The following FOXN3 variants were observed in gnomAD, a reference collection of about 807,000 sequenced individuals.
The protein encoded by FOXN3 is forkhead box N3.
A neutral mutation model predicts 38.4 loss-of-function variants in FOXN3; 7 were observed. The ratio of observed to expected loss-of-function variants is 0.18; its 90% CI spans 0.10 to 0.34. The LOEUF is 0.34. Among genes scored for constraint, FOXN3 ranks in the 10% least tolerant of loss-of-function variants. The pLI, the probability that FOXN3 is intolerant of heterozygous loss-of-function variation, is 1.00. For synonymous variants in FOXN3, 230 were observed against 242.2 expected (o/e 0.95, Z 0.47); for missense variants, 456 against 613.4 (o/e 0.74, Z 2.71).
rs1596073183 is a variant in FOXN3, at chr14:89,161,349, A to C, written c.*1065T>G. ...AGTGTACCTTTAATCTTAAAAATAC[A>C]CCACAATACTAATGGCAGGTTCCGT... On this transcript the variant is annotated 3_prime_UTR_variant, in exon 6 of 6. Coordinates refer to ENST00000557258, the MANE Select transcript of FOXN3 (RefSeq NM_005197.4). 2 of 148,572 alleles carry C rather than the reference A, an allele frequency of 1.3e-5. No homozygotes were observed. Among genetic ancestry groups the C allele is most frequent in the Admixed American group, 6.7e-5 (1 of 14,894 alleles). The allele number at this position is 148,572 out of a possible 1,614,324, so 9.2% of individuals were successfully genotyped here.
intron 3 of FOXN3, among the ~76,000 whole-genome samples, chr14:89,333,773 A>T: frequency 6.6e-6 from 1 of 150,408 alleles, no homozygotes; most frequent in Non-Finnish European, 1.5e-5. Context: ...AAAAAAAAAA[A>T]AAACAGAACC....
intron 2 of FOXN3, among the ~76,000 whole-genome samples, chr14:89,400,748 T>C (rs1891223620): frequency 6.6e-6 from 1 of 152,222 alleles, no homozygotes; most frequent in South Asian, 2.1e-4. Context: ...CTGTTCTCTC[T>C]GCCCAGATCT....
At chr14:89,469,041 C>G (rs1282922914) in intron 1 of FOXN3, among the ~76,000 whole-genome samples, 1 of 152,184 alleles carries the variant, frequency 6.6e-6, no homozygotes, top group African/African-American at 2.4e-5. Context: ...TATCTGCTCT[C>G]TAATAAGCAA....
chr14:89,265,696 C>T (rs1447200783), intron 4 of FOXN3, among the ~76,000 whole-genome samples: 1 of 152,340 alleles, frequency 6.6e-6, no homozygotes, highest in South Asian at 2.1e-4. Flanking sequence ...TAAAATTACA[C>T]ATGCAAGTAT....
intron 1 of FOXN3, among the ~76,000 whole-genome samples, chr14:89,504,917 C>G (rs1893879724): frequency 1.3e-5 from 2 of 152,330 alleles, no homozygotes; most frequent in South Asian, 4.1e-4. Context: ...CCAGGAACTT[C>G]TAAACCAGAC....
intron 3 of FOXN3, among the ~76,000 whole-genome samples, chr14:89,323,203 G>A (rs550124955): frequency 4.1e-4 from 61 of 150,498 alleles, no homozygotes; most frequent in African/African-American, 1.3e-3. Flanking sequence ...TAGGAGAATC[G>A]TTTGAACCCA....
chr14:89,467,817 T>G (rs1368758467), intron 1 of FOXN3, among the ~76,000 whole-genome samples: 1 of 131,436 alleles, frequency 7.6e-6, no homozygotes, highest in Non-Finnish European at 1.6e-5. Flanking sequence ...TTTTTTTTTT[T>G]TTTTTTTTTT....
intron 1 of FOXN3, among the ~76,000 whole-genome samples, chr14:89,432,556 G>T (rs1232753889): frequency 6.6e-6 from 1 of 152,116 alleles, no homozygotes; most frequent in Non-Finnish European, 1.5e-5. Flanking sequence ...TTACAGATGA[G>T]GACACCAAGG....
chr14:89,375,116 C>A (rs908832020), intron 2 of FOXN3, among the ~76,000 whole-genome samples: 1 of 152,102 alleles, frequency 6.6e-6, no homozygotes, highest in Non-Finnish European at 1.5e-5. Context: ...AGGAGATTGA[C>A]TTGACTACAA....
chr14:89,565,986 G>C (rs1463592686), intron 1 of FOXN3, among the ~76,000 whole-genome samples: 1 of 152,190 alleles, frequency 6.6e-6, no homozygotes, highest in East Asian at 1.9e-4. Flanking sequence ...GTGTAGCGAA[G>C]GGGTAAAAGA....
intron 3 of FOXN3, among the ~76,000 whole-genome samples, chr14:89,348,843 C>T (rs1218379528): frequency 6.6e-6 from 1 of 152,154 alleles, no homozygotes; most frequent in African/African-American, 2.4e-5. Context: ...CCTGAATATG[C>T]ATTCCTGTTC....
rs116553362 is a variant in FOXN3, at chr14:89,168,960, G to A, written c.852-5991C>T. Among the ~76,000 whole-genome samples the A allele has an allele frequency of 9.5e-3, 1,448 of 152,232 alleles. 20 individuals carry two copies. Among genetic ancestry groups the A allele is most frequent in the African/African-American group, 0.033 (1,381 of 41,516 alleles). On this transcript the variant is annotated intron_variant, in intron 5 of 5. Coordinates refer to ENST00000557258, the MANE Select transcript of FOXN3 (RefSeq NM_005197.4). ...ATTCTCAAGAGAGAAAATAACTGTC[G>A]ATCTAGAATTTTATATTCAGTAACA...
Position 89,324,180 on chromosome 14 carries a change from C to T in FOXN3, c.680+26492G>A, listed in dbSNP as rs143895436. On this transcript the variant is annotated intron_variant, in intron 3 of 5. Transcript: ENST00000557258. Reference sequence around the variant, plus strand: ...GAATATCAGTAATAGCCAAGCAACACGCCCATTAGCTAAAGTGATTTCTCC... The same window carrying T: ...GAATATCAGTAATAGCCAAGCAACATGCCCATTAGCTAAAGTGATTTCTCC... Among the ~76,000 whole-genome samples the T allele has an allele frequency of 1.3e-3, 204 of 152,288 alleles. 1 individual carries two copies. The highest frequency in any genetic ancestry group is 4.5e-3 in the African/African-American group (185 of 41,546).
intron 2 of FOXN3, among the ~76,000 whole-genome samples, chr14:89,402,999 C>A (rs940084220): frequency 6.6e-6 from 1 of 152,178 alleles, no homozygotes; most frequent in Admixed American, 6.5e-5. Flanking sequence ...TCGCCCATCA[C>A]TATCTTTTAG....
intron 1 of FOXN3, among the ~76,000 whole-genome samples, chr14:89,570,147 A>G (rs1210251121): frequency 6.6e-6 from 1 of 151,842 alleles, no homozygotes; most frequent in Non-Finnish European, 1.5e-5. Flanking sequence ...CTACAGGTGC[A>G]TGCCACCACG....
intron 4 of FOXN3, among the ~76,000 whole-genome samples, chr14:89,186,059 G>A (rs564629179): frequency 4.6e-5 from 7 of 152,238 alleles, no homozygotes; most frequent in East Asian, 1.9e-4. Context: ...AGCTCTTGCC[G>A]CTGCCTTTGG....
chr14:89,354,383 G>A (rs976788326), intron 2 of FOXN3, among the ~76,000 whole-genome samples: 7 of 149,460 alleles, frequency 4.7e-5, no homozygotes, highest in African/African-American at 4.9e-5. Context: ...CCGCCACCAC[G>A]CCCGGCTAAT....
intron 3 of FOXN3, among the ~76,000 whole-genome samples, chr14:89,300,654 G>T (rs1237964487): frequency 6.6e-6 from 1 of 152,114 alleles, no homozygotes; most frequent in African/African-American, 2.4e-5. Context: ...AGTCCACCAC[G>T]AAGATGAGAG....
intron 4 of FOXN3, chr14:89,185,689 T>C (rs1801002630): frequency 6.6e-6 from 1 of 152,194 alleles, no homozygotes; most frequent in African/African-American, 2.4e-5. Flanking sequence ...TACGTATTTA[T>C]CTTTTAGATG....
Sources: gnomAD v4.1 joint callset for allele counts (sites outside exome capture counted in the v4.1 genomes callset) on GRCh38, gnomAD v4.1.1 for gene constraint, MANE v1.5 for transcripts, NCBI Gene and HGNC (gene_info 2026-07-23, HGNC 2026-07-21) for gene names.